Variants in ADPGK observed in about 807,000 individuals in gnomAD.
ADPGK encodes ADP-dependent glucokinase.
ADPGK carries 26 observed loss-of-function variants against 42.4 expected under a neutral mutation model. The ratio of observed to expected loss-of-function variants is 0.61; its 90% CI spans 0.45 to 0.85. ADPGK has a LOEUF of 0.85. Ranked by LOEUF, ADPGK falls within the 40% of genes least tolerant of loss-of-function variation. The probability of loss-of-function intolerance (pLI) is 0.00; values close to 1 mark genes in which losing one functional copy is unlikely to be tolerated. For synonymous variants in ADPGK, 267 were observed against 252.6 expected (o/e 1.06, Z -0.54); for missense variants, 571 against 627.0 (o/e 0.91, Z 0.95).
In ADPGK at chr15:72,752,481, C is replaced by A. The variant is rs778436004; in HGVS notation, c.1354G>T (p.Val452Leu). Residue 452 changes from valine (V) to leucine (L), a missense_variant, in exon 7 of 7, where the codon GTA (valine) becomes TTA (leucine). By Grantham distance (32) the Val-to-Leu change is conservative. Around this residue, in one of 2 missense-constraint regions of ADPGK, gnomAD observed 434 missense variants for 522.7 expected, o/e 0.83. Transcript: ENST00000456471. ...SRIVLNPNKP[V>L]VEWHREGISF... ...ATTCCCTCTCTGTGCCATTCTACTA[C>A]TGGCTTGTTTGGGTTTAATACAATC... The A allele has an allele frequency of 6.2e-7, 1 of 1,614,114 alleles. No individual in the cohort carries two copies. Among genetic ancestry groups the A allele is most frequent in the East Asian group, 2.2e-5 (1 of 44,902 alleles).
At chr15:72,768,404 T>C (rs372876459) in intron 3 of ADPGK, among the ~76,000 whole-genome samples, 44 of 152,260 alleles carry the variant, frequency 2.9e-4, no homozygotes, top group Middle Eastern at 3.4e-3. Context: ...GCCAGGTGTA[T>C]TGGATGAATC....
chr15:72,779,673 T>G (rs1171964562), intron 1 of ADPGK, among the ~76,000 whole-genome samples: 2 of 152,194 alleles, frequency 1.3e-5, no homozygotes, highest in Non-Finnish European at 2.9e-5. Context: ...AGCCCCTTAA[T>G]GCACTAGCAT....
intron 4 of ADPGK, among the ~76,000 whole-genome samples, chr15:72,759,276 C>T (rs1411217387): frequency 6.6e-6 from 1 of 152,194 alleles, no homozygotes; most frequent in African/African-American, 2.4e-5. Context: ...TGTTTCCGCA[C>T]ACCAACCAAT....
intron 4 of ADPGK, chr15:72,760,144 T>G (rs1595791796): frequency 4.3e-6 from 1 of 230,946 alleles, no homozygotes; most frequent in East Asian, 8.8e-5. Context: ...AGATGCTTGC[T>G]TTCCTATGAC....
intron 5 of ADPGK, 43 bp from the exon 6 acceptor site, chr15:72,755,697 G>T (rs201368107): frequency 6.9e-7 from 1 of 1,455,348 alleles, no homozygotes; most frequent in East Asian, 2.3e-5. Context: ...GAAATAGAAG[G>T]AAGTCAAGAA....
chr15:72,783,700 A>G lies in ADPGK; in HGVS notation c.-9T>C. On this transcript the variant is annotated 5_prime_UTR_variant, in exon 1 of 7. Transcript: ENST00000456471. ...CCGCGCCACAGCGCCATGGGGACCC[A>G]GGCGCCGCACCTGCGCGAACCAACT... 1 of 1,466,352 alleles carries G rather than the reference A, an allele frequency of 6.8e-7. No individual in the cohort carries two copies. Among genetic ancestry groups the G allele is most frequent in the East Asian group, 2.7e-5 (1 of 36,556 alleles). 90.8% of individuals were successfully genotyped at this position (1,466,352 alleles called of 1,614,324 possible).
chr15:72,764,490 G>C (rs774109721), intron 3 of ADPGK, among the ~76,000 whole-genome samples: 2 of 152,174 alleles, frequency 1.3e-5, no homozygotes, highest in Non-Finnish European at 2.9e-5. Context: ...CAAAAGAAAA[G>C]TCAGAAGCTA....
At chr15:72,772,522 A>G (rs1057175833) in intron 2 of ADPGK, among the ~76,000 whole-genome samples, 8 of 152,134 alleles carry the variant, frequency 5.3e-5, no homozygotes, top group Admixed American at 5.2e-4. Flanking sequence ...CTCAGCCTTC[A>G]CAACCGCCCT....
chr15:72,783,707 G>A lies in ADPGK; in HGVS notation c.-16C>T. The A allele has an allele frequency of 2.1e-6, 3 of 1,451,858 alleles. No homozygotes were observed. Among genetic ancestry groups the A allele is most frequent in the Non-Finnish European group, 2.7e-6 (3 of 1,109,126 alleles). 89.9% of individuals were successfully genotyped at this position (1,451,858 alleles called of 1,614,324 possible). ...ACAGCGCCATGGGGACCCAGGCGCC[G>A]CACCTGCGCGAACCAACTCCTTTCC... On this transcript the variant is annotated 5_prime_UTR_variant, in exon 1 of 7. Coordinates refer to ENST00000456471, the MANE Select transcript of ADPGK (RefSeq NM_001365225.1).
chr15:72,760,305 C>G (rs1474431785), intron 4 of ADPGK, 102 bp downstream of exon 4: 5 of 1,388,460 alleles, frequency 3.6e-6, no homozygotes, highest in Admixed American at 2.2e-5. Context: ...AAACAGGATC[C>G]TGCTAATTTA....
Position 72,756,239 on chromosome 15 carries a change from C to T in ADPGK, c.840+12G>A. The T allele has an allele frequency of 6.2e-7, 1 of 1,613,640 alleles. No individual in the cohort carries two copies. Among genetic ancestry groups the T allele is most frequent in the South Asian group, 1.1e-5 (1 of 91,062 alleles). On this transcript the variant is annotated intron_variant, in intron 5 of 6. Coordinates refer to ENST00000456471, the MANE Select transcript of ADPGK (RefSeq NM_001365225.1). ...AGCTGAGATCTGTGAAATTCTGTAA[C>T]AGTGCCATTACCTCCAAGAGTCTCT... is the stretch of plus-strand genomic sequence containing the variant.
At chr15:72,761,358 G>C (rs777086540) in intron 3 of ADPGK, among the ~76,000 whole-genome samples, 9 of 152,162 alleles carry the variant, frequency 5.9e-5, no homozygotes, top group Non-Finnish European at 1.2e-4. Context: ...CCTCAACCGG[G>C]TGACCTCATT....
At chr15:72,771,131 G>T (rs998831409) in intron 3 of ADPGK, among the ~76,000 whole-genome samples, 1 of 152,172 alleles carries the variant, frequency 6.6e-6, no homozygotes, top group African/African-American at 2.4e-5. Flanking sequence ...TAACTTTCTT[G>T]TTGGCCTCCC....
intron 1 of ADPGK, among the ~76,000 whole-genome samples, chr15:72,779,899 T>C (rs2066436084): frequency 6.6e-6 from 1 of 152,222 alleles, no homozygotes; most frequent in African/African-American, 2.4e-5. Context: ...TGTATGTACA[T>C]TTCTCCTCCT....
At chr15:72,760,239 A>C in intron 4 of ADPGK, 168 bp downstream of exon 4, 1 of 780,734 alleles carries the variant, frequency 1.3e-6, no homozygotes, top group Non-Finnish European at 1.9e-6. Flanking sequence ...CCCTTGAGAC[A>C]ACGGCCAGTA....
At chr15:72,762,491 C>G (rs916345790) in intron 3 of ADPGK, among the ~76,000 whole-genome samples, 1 of 152,188 alleles carries the variant, frequency 6.6e-6, no homozygotes, top group African/African-American at 2.4e-5. Context: ...CAGGCCAATT[C>G]TGAAAAAGTC....
intron 3 of ADPGK, among the ~76,000 whole-genome samples, chr15:72,767,515 C>G (rs572960443): frequency 7.6e-4 from 116 of 152,160 alleles, no homozygotes; most frequent in African/African-American, 2.6e-3. Context: ...CTTTCAAGTA[C>G]ACACAGAACC....
At chr15:72,768,229 A>G (rs547989953) in intron 3 of ADPGK, among the ~76,000 whole-genome samples, 116 of 152,212 alleles carry the variant, frequency 7.6e-4, no homozygotes, top group African/African-American at 2.6e-3. Context: ...AAAAAGGAAA[A>G]TCTGGATTTC....
chr15:72,755,467 G>T, intron 6 of ADPGK, 89 bp downstream of exon 6: 1 of 959,384 alleles, frequency 1.0e-6, no homozygotes, highest in Non-Finnish European at 1.6e-6. Flanking sequence ...GCCAGTCCCT[G>T]AGCCCAAACA....
Sources: allele counts gnomAD v4.1 joint callset (sites outside exome capture counted in the v4.1 genomes callset), GRCh38; gene constraint gnomAD v4.1.1; regional missense constraint gnomAD v4.1.1; transcripts MANE v1.5; gene names NCBI Gene and HGNC (gene_info 2026-07-23, HGNC 2026-07-21).